The following MVB12B variants were observed in gnomAD, a reference collection of about 807,000 sequenced individuals.
The protein encoded by MVB12B is ESCRT-I complex subunit MVB12B.
MVB12B carries 16 observed loss-of-function variants against 41.6 expected under a neutral mutation model. The observed-to-expected ratio is 0.38, with a 90% confidence interval of 0.26 to 0.58. The LOEUF (loss-of-function observed/expected upper bound fraction) is 0.58. MVB12B is among the 20% of genes least tolerant of loss of function. MVB12B has a pLI of 0.62. For synonymous variants in MVB12B, 133 were observed against 139.7 expected, an observed-to-expected ratio of 0.95 and a Z score of 0.34; for missense variants, 274 against 380.2, an observed-to-expected ratio of 0.72 and a Z score of 2.32.
chr9:126,362,585 TA>T (rs1830056784), intron 2 of MVB12B, among the ~76,000 whole-genome samples: 1 of 152,188 alleles, frequency 6.6e-6, no homozygotes, highest in African/African-American at 2.4e-5. Flanking sequence ...GAACAAATCC[TA>T]AAAAGCCTGT....
chr9:126,380,017 C>T (rs2118958589), intron 2 of MVB12B, among the ~76,000 whole-genome samples: 1 of 152,350 alleles, frequency 6.6e-6, no homozygotes, highest in Non-Finnish European at 1.5e-5. Context: ...AAGGACAACC[C>T]AGAAGGAGTC....
At chr9:126,330,659 A>G (rs904271949) in intron 1 of MVB12B, among the ~76,000 whole-genome samples, 17 of 152,208 alleles carry the variant, frequency 1.1e-4, no homozygotes, top group African/African-American at 3.6e-4. Context: ...TTAAGTGCAC[A>G]GATCGGTGGC....
chr9:126,448,950 A>G (rs1245925317), intron 7 of MVB12B, among the ~76,000 whole-genome samples: 2 of 152,188 alleles, frequency 1.3e-5, no homozygotes, highest in Non-Finnish European at 2.9e-5. Context: ...AAATCTTCCC[A>G]TCTTCCCTGA....
In MVB12B at chr9:126,421,834, C is replaced by T. The variant is rs1321110905; in HGVS notation, c.663-20C>T. 1 of 1,591,062 alleles carries T rather than the reference C, an allele frequency of 6.3e-7. No individual in the cohort carries two copies. The highest frequency in any genetic ancestry group is 1.7e-5 in the Admixed American group (1 of 59,994). ...GAATGCTCCTTGTAATCTCCTTTCT[C>T]TCGTCCTTCTCTTCCTCAGGCACAT... On this transcript the variant is annotated intron_variant, in intron 6 of 9. Coordinates refer to ENST00000361171, the MANE Select transcript of MVB12B (RefSeq NM_033446.3).
Position 126,503,621 on chromosome 9 carries a change from TCCCTCC to T in MVB12B, c.*359_*364del. Reference sequence around the variant, plus strand: ...TGGCCGCCCAGTGACGCCCACCGGCTCCCTCCGCTCCCTCCTGTCACCTACCAGGGC... The same window carrying T: ...TGGCCGCCCAGTGACGCCCACCGGCTGCTCCCTCCTGTCACCTACCAGGGC... On this transcript the variant is annotated 3_prime_UTR_variant, in exon 10 of 10. Coordinates refer to ENST00000361171, the MANE Select transcript of MVB12B (RefSeq NM_033446.3). 5.1e-6 allele frequency: 1 copy of T among 195,042 alleles called. No homozygotes were observed. Among genetic ancestry groups the T allele is most frequent in the Non-Finnish European group, 8.9e-6 (1 of 112,246 alleles). The allele number at this position is 195,042 out of a possible 1,614,324, so 12.1% of individuals were successfully genotyped here.
rs1833245458 is a variant in MVB12B, at chr9:126,468,531, C to T, written c.758-12838C>T. 6.6e-6 allele frequency among the ~76,000 whole-genome samples: 1 copy of T among 152,200 alleles called. No homozygotes were observed. The highest frequency in any genetic ancestry group is 6.5e-5 in the Admixed American group (1 of 15,282). On this transcript the variant is annotated intron_variant, in intron 7 of 9. Transcript: ENST00000361171. This position sits in a 1 kb window ranked among gnomAD's most constrained non-coding sequence, Gnocchi z 4.3. ...GGTCACCCTTGATTCCGCCTTGCCC[C>T]TCTGCAGCCAGTGGCCAGGTCTCTT... is the stretch of plus-strand genomic sequence containing the variant.
Position 126,419,164 on chromosome 9 carries a change from C to T in MVB12B, c.663-2690C>T, listed in dbSNP as rs530119585. On this transcript the variant is annotated intron_variant, in intron 6 of 9. Coordinates refer to ENST00000361171, the MANE Select transcript of MVB12B (RefSeq NM_033446.3). ...TCTAGCTCCTGGAGTGTTTACCGCA[C>T]TGCACAAATCGCTCTGCATCCTTAG... Among the ~76,000 whole-genome samples the T allele has an allele frequency of 2.0e-5, 3 of 152,316 alleles. No homozygotes were observed. In the East Asian group the frequency reaches 5.8e-4, roughly 29 times the overall value.
At chr9:126,455,401 T>A (rs1832962060) in intron 7 of MVB12B, among the ~76,000 whole-genome samples, 1 of 151,932 alleles carries the variant, frequency 6.6e-6, no homozygotes, top group South Asian at 2.1e-4. Flanking sequence ...TTGGCCAGGA[T>A]GGTCTCGATC....
At chr9:126,398,500 T>C (rs1831181636) in intron 6 of MVB12B, among the ~76,000 whole-genome samples, 1 of 152,194 alleles carries the variant, frequency 6.6e-6, no homozygotes, top group African/African-American at 2.4e-5. Flanking sequence ...CTCAAGTCTT[T>C]TTCTTGTGTA....
intron 6 of MVB12B, among the ~76,000 whole-genome samples, chr9:126,411,677 T>C (rs951510621): frequency 5.9e-5 from 9 of 152,196 alleles, no homozygotes; most frequent in African/African-American, 2.2e-4. Context: ...CCGTGACAAA[T>C]GATAGTAAAC....
intron 7 of MVB12B, among the ~76,000 whole-genome samples, chr9:126,454,642 G>A (rs561477494): frequency 6.6e-6 from 1 of 152,326 alleles, no homozygotes; most frequent in South Asian, 2.1e-4. Flanking sequence ...CATGGCTTTA[G>A]CCCCATAAAG....
intron 2 of MVB12B, among the ~76,000 whole-genome samples, chr9:126,362,781 A>G (rs1830061153): frequency 6.6e-6 from 1 of 152,246 alleles, no homozygotes; most frequent in Admixed American, 6.5e-5. Context: ...GAGCTAATTT[A>G]CCAAGGTCAG....
intron 6 of MVB12B, among the ~76,000 whole-genome samples, chr9:126,416,866 G>T (rs533098104): frequency 6.6e-6 from 1 of 152,146 alleles, no homozygotes; most frequent in Middle Eastern, 3.2e-3. Context: ...ATCTCATCTC[G>T]CCAGAGACCC....
chr9:126,407,674 G>A (rs1042571299), intron 6 of MVB12B, among the ~76,000 whole-genome samples: 5 of 151,796 alleles, frequency 3.3e-5, no homozygotes, highest in Non-Finnish European at 5.9e-5. Flanking sequence ...TTTAATCACC[G>A]CGAGGGGGGC....
At position 126,386,765 on chromosome 9, in the gene MVB12B, C is replaced by A; in HGVS notation, c.409+107C>A. The A allele has an allele frequency of 2.6e-6, 2 of 775,746 alleles. No individual in the cohort carries two copies. The highest frequency in any genetic ancestry group is 4.3e-6 in the Non-Finnish European group (2 of 461,358). The allele number at this position is 775,746 out of a possible 1,614,324, so 48.1% of individuals were successfully genotyped here. ...TTTTCTTCAGAAACACTTTTGGAGG[C>A]CTTACTACATGCCCATGAACAAACC... On this transcript the variant is annotated intron_variant, in intron 4 of 9. Transcript: ENST00000361171. The surrounding 1 kb of genome is among the most constrained non-coding windows in gnomAD (Gnocchi z 4.3).
intron 7 of MVB12B, among the ~76,000 whole-genome samples, chr9:126,474,519 T>C (rs1052069355): frequency 2.6e-5 from 4 of 152,078 alleles, no homozygotes; most frequent in Non-Finnish European, 5.9e-5. Context: ...GTTACAGAAT[T>C]AAGAGGGGAT....
intron 2 of MVB12B, among the ~76,000 whole-genome samples, chr9:126,379,960 C>T (rs760686334): frequency 6.6e-6 from 1 of 152,160 alleles, no homozygotes; most frequent in Non-Finnish European, 1.5e-5. Context: ...TCAGGATGGG[C>T]GGGAGCTTGT....
At chr9:126,429,463 TC>T (rs1223785567) in intron 7 of MVB12B, among the ~76,000 whole-genome samples, 1 of 152,110 alleles carries the variant, frequency 6.6e-6, no homozygotes, top group Non-Finnish European at 1.5e-5. Context: ...GATTAAACCT[TC>T]CGTCACTTAA....
At chr9:126,399,865 A>G (rs1831220586) in intron 6 of MVB12B, among the ~76,000 whole-genome samples, 1 of 152,186 alleles carries the variant, frequency 6.6e-6, no homozygotes. Flanking sequence ...GATAGAATCA[A>G]TACTCTGCAT....
Sources: gnomAD v4.1 joint callset for allele counts (sites outside exome capture counted in the v4.1 genomes callset) on GRCh38, gnomAD v4.1.1 for gene constraint, Gnocchi (gnomAD v3.1) non-coding constraint, MANE v1.5 for transcripts, NCBI Gene and HGNC (gene_info 2026-07-23, HGNC 2026-07-21) for gene names.